The following ZNF385D variants were observed in gnomAD, a reference collection of about 807,000 sequenced individuals.
The protein encoded by ZNF385D is zinc finger protein 385D, also known as zinc finger protein 659.
Under a neutral mutation model 35.8 loss-of-function variants are expected in ZNF385D, and 15 were observed. The observed-to-expected ratio is 0.42, with a 90% confidence interval of 0.28 to 0.64. ZNF385D has a LOEUF of 0.64. Among genes scored for constraint, ZNF385D ranks in the 30% least tolerant of loss-of-function variants. The pLI is 0.23. For synonymous variants in ZNF385D, 212 were observed against 186.8 expected, an observed-to-expected ratio of 1.13 and a Z score of -1.10; for missense variants, 474 against 494.6, an observed-to-expected ratio of 0.96 and a Z score of 0.39.
At chr3:22,161,399 A>T (rs1054987767) in intron 3 of ZNF385D, among the ~76,000 whole-genome samples, 2 of 152,084 alleles carry the variant, frequency 1.3e-5, no homozygotes, top group Non-Finnish European at 2.9e-5. Context: ...ACCATTTTAT[A>T]ACAGCAGAAA....
At position 22,119,225 on chromosome 3, in the gene ZNF385D, G is replaced by A. The variant is rs371841796; in HGVS notation, c.325+49592C>T. ...TTAATATAGAAAAAATACCTTGTCAGCTACTTAACATGGATTAAGAATATA... is the reference window on the plus strand; with the variant it reads ...TTAATATAGAAAAAATACCTTGTCAACTACTTAACATGGATTAAGAATATA... On this transcript the variant is annotated intron_variant, in intron 3 of 5. Coordinates refer to the ZNF385D transcript ENST00000494108. 6.6e-5 allele frequency among the ~76,000 whole-genome samples: 10 copies of A among 152,142 alleles called. 1 individual carries two copies. Among genetic ancestry groups the A allele is most frequent in the East Asian group, 3.9e-4 (2 of 5,156 alleles).
At chr3:22,271,695 C>A (rs906388147) in intron 2 of ZNF385D, among the ~76,000 whole-genome samples, 15 of 151,856 alleles carry the variant, frequency 9.9e-5, no homozygotes, top group African/African-American at 3.1e-4. Context: ...CCACCCTCTG[C>A]CTGTCTCCTT....
At chr3:21,499,966 T>C (rs1430712225) in intron 4 of ZNF385D, among the ~76,000 whole-genome samples, 3 of 152,334 alleles carry the variant, frequency 2.0e-5, no homozygotes, top group Admixed American at 6.5e-5. Context: ...CAAAGTTGGA[T>C]ACATAGTCAA....
intron 3 of ZNF385D, among the ~76,000 whole-genome samples, chr3:21,851,166 C>G (rs774657475): frequency 6.6e-6 from 1 of 151,614 alleles, no homozygotes; most frequent in Non-Finnish European, 1.5e-5. Context: ...CAAATAAAAA[C>G]TATAGAAGTA....
chr3:21,426,348 G>A (rs762992751), intron 5 of ZNF385D, among the ~76,000 whole-genome samples: 1 of 152,098 alleles, frequency 6.6e-6, no homozygotes, highest in Non-Finnish European at 1.5e-5. Flanking sequence ...GCATATACAC[G>A]ATGGATAACT....
chr3:21,606,505 C>T (rs1191689754), intron 2 of ZNF385D, among the ~76,000 whole-genome samples: 2 of 152,160 alleles, frequency 1.3e-5, no homozygotes, highest in African/African-American at 2.4e-5. Context: ...TGACTTTAGA[C>T]TGCATTTGAT....
chr3:22,264,453 A>T (rs923486761), intron 2 of ZNF385D, among the ~76,000 whole-genome samples: 4 of 151,976 alleles, frequency 2.6e-5, no homozygotes, highest in Non-Finnish European at 1.5e-5. Flanking sequence ...CTGAATCTAC[A>T]ATGCATGGGT....
intron 3 of ZNF385D, among the ~76,000 whole-genome samples, chr3:22,056,372 A>G (rs554535553): frequency 6.7e-6 from 1 of 150,286 alleles, no homozygotes; most frequent in South Asian, 2.1e-4. Flanking sequence ...ACCGTGTGTT[A>G]GTTTAGGGGC....
chr3:22,059,734 C>T (rs913109480), intron 3 of ZNF385D, among the ~76,000 whole-genome samples: 1 of 152,070 alleles, frequency 6.6e-6, no homozygotes, highest in African/African-American at 2.4e-5. Flanking sequence ...CTGCTGTATC[C>T]CCAGGGCCTA....
intron 3 of ZNF385D, among the ~76,000 whole-genome samples, chr3:22,126,794 C>A (rs1366148189): frequency 6.6e-6 from 1 of 152,040 alleles, no homozygotes; most frequent in Non-Finnish European, 1.5e-5. Context: ...AAGTTTCCAA[C>A]TATTATTGTA....
chr3:22,189,973 T>C (rs930004410), intron 2 of ZNF385D, among the ~76,000 whole-genome samples: 2 of 152,174 alleles, frequency 1.3e-5, no homozygotes, highest in Admixed American at 6.6e-5. Flanking sequence ...CCATCTGTTA[T>C]TCTTTGCTAA....
chr3:21,438,250 C>A (rs1701673733), intron 4 of ZNF385D, among the ~76,000 whole-genome samples: 1 of 152,138 alleles, frequency 6.6e-6, no homozygotes, highest in Non-Finnish European at 1.5e-5. Flanking sequence ...TCAGCTAGTT[C>A]TTAACTTCCT....
At chr3:21,999,860 C>G (rs913222679) in intron 3 of ZNF385D, among the ~76,000 whole-genome samples, 3 of 151,848 alleles carry the variant, frequency 2.0e-5, no homozygotes, top group Non-Finnish European at 4.4e-5. Flanking sequence ...ACCACATATT[C>G]TAATTCTGGG....
At chr3:22,276,393 G>A (rs909169689) in intron 2 of ZNF385D, among the ~76,000 whole-genome samples, 1 of 152,052 alleles carries the variant, frequency 6.6e-6, no homozygotes, top group Non-Finnish European at 1.5e-5. Context: ...TTAGCATAGT[G>A]ATCTCATGAA....
chr3:21,867,277 C>T (rs535370682), intron 3 of ZNF385D, among the ~76,000 whole-genome samples: 2 of 152,080 alleles, frequency 1.3e-5, no homozygotes, highest in Non-Finnish European at 2.9e-5. Flanking sequence ...GGCCTCGTCT[C>T]CTGACACTGT....
chr3:21,693,879 T>C (rs2067368370), intron 1 of ZNF385D, among the ~76,000 whole-genome samples: 2 of 146,742 alleles, frequency 1.4e-5, no homozygotes, highest in Admixed American at 6.9e-5. Context: ...AATCTTTTTT[T>C]TTCTTTTTTT....
chr3:21,460,849 A>T (rs1703124640), intron 4 of ZNF385D, among the ~76,000 whole-genome samples: 1 of 152,158 alleles, frequency 6.6e-6, no homozygotes, highest in Non-Finnish European at 1.5e-5. Context: ...TCCCTGGAAG[A>T]CTCAAGTCTC....
At chr3:22,200,386 C>A (rs534226151) in intron 2 of ZNF385D, among the ~76,000 whole-genome samples, 11 of 151,988 alleles carry the variant, frequency 7.2e-5, no homozygotes, top group African/African-American at 1.7e-4. Flanking sequence ...CCCCACAAGC[C>A]GTAAAACCAG....
intron 2 of ZNF385D, among the ~76,000 whole-genome samples, chr3:22,296,779 A>G (rs1702606543): frequency 6.6e-6 from 1 of 152,098 alleles, no homozygotes; most frequent in Non-Finnish European, 1.5e-5. Context: ...CCCACAGCAT[A>G]GTGTCTGTCT....
Sources: allele counts gnomAD v4.1 joint callset (sites outside exome capture counted in the v4.1 genomes callset), GRCh38; gene constraint gnomAD v4.1.1; transcripts MANE v1.5; gene names NCBI Gene and HGNC (gene_info 2026-07-23, HGNC 2026-07-21).